The following MAGI3 variants were observed in gnomAD, a reference collection of about 807,000 sequenced individuals.
MAGI3 encodes the protein membrane-associated guanylate kinase, WW and PDZ domain-containing protein 3.
Under a neutral mutation model 121.8 loss-of-function variants are expected in MAGI3, and 43 were observed. The ratio of observed to expected loss-of-function variants is 0.35; its 90% CI spans 0.28 to 0.46. MAGI3 has a LOEUF of 0.46. Ranked by LOEUF, MAGI3 falls within the 20% of genes least tolerant of loss-of-function variation. The pLI, the probability that MAGI3 is intolerant of heterozygous loss-of-function variation, is 1.00. For synonymous variants in MAGI3, 553 were observed against 639.3 expected (o/e 0.86, Z 2.04); for missense variants, 1,547 against 1,797.3 (o/e 0.86, Z 2.52).
intron 1 of MAGI3, among the ~76,000 whole-genome samples, chr1:113,490,649 T>C (rs561739316): frequency 2.0e-5 from 3 of 152,200 alleles, no homozygotes; most frequent in Non-Finnish European, 4.4e-5. Flanking sequence ...CGGAGTGACA[T>C]ACATAGGCTC....
intron 1 of MAGI3, among the ~76,000 whole-genome samples, chr1:113,472,204 GT>G (rs752606893): frequency 1.5e-3 from 208 of 137,792 alleles, no homozygotes; most frequent in Admixed American, 3.2e-3. Context: ...GATAGATCTT[GT>G]TTTTTTTTTT....
chr1:113,555,883 T>TA (rs34358107), intron 2 of MAGI3, among the ~76,000 whole-genome samples: 73 of 151,382 alleles, frequency 4.8e-4, no homozygotes, highest in Admixed American at 2.8e-3. Context: ...CCCTGTCTCT[T>TA]AAAAAAAATA....
Position 113,644,367 on chromosome 1 carries a change from G to A in MAGI3, c.1998+593G>A, listed in dbSNP as rs377457668. On this transcript the variant is annotated intron_variant, in intron 11 of 20. Transcript: ENST00000307546. ...GCTATCTCGGCTCACTGCAACCTCC[G>A]CCTCCGGGGTTCAAGCGATTCTCCT... Among the ~76,000 whole-genome samples, 86 of 152,008 alleles carry A rather than the reference G, an allele frequency of 5.7e-4. No individual in the cohort carries two copies. The East Asian group carries it at 0.012, about 22-fold the overall frequency.
Position 113,683,369 on chromosome 1 carries a change from G to A in MAGI3, c.3801G>A (p.Gln1267=). Residue 1267 remains glutamine (Q), a synonymous_variant, in exon 21 of 21, where the codon CAG becomes CAA. Transcript: ENST00000307546. ...SPSKGENKSC[Q]VSTRAGSGQD... Reference sequence around the variant, plus strand: ...GCAAAGGGGAAAATAAAAGTTGTCAGGTCAGCACCAGGGCAGGCTCTGGAC... The same window carrying A: ...GCAAAGGGGAAAATAAAAGTTGTCAAGTCAGCACCAGGGCAGGCTCTGGAC... 1 of 1,614,002 alleles carries A rather than the reference G, an allele frequency of 6.2e-7. No homozygotes were observed. The highest frequency in any genetic ancestry group is 8.5e-7 in the Non-Finnish European group (1 of 1,179,898).
chr1:113,628,209 G>A (rs1394446233), intron 9 of MAGI3, among the ~76,000 whole-genome samples: 1 of 151,868 alleles, frequency 6.6e-6, no homozygotes, highest in Non-Finnish European at 1.5e-5. Context: ...AGTTTACCAG[G>A]ACGCTAGAAA....
intron 1 of MAGI3, among the ~76,000 whole-genome samples, chr1:113,468,018 A>G (rs1655370590): frequency 6.6e-6 from 1 of 152,130 alleles, no homozygotes; most frequent in Non-Finnish European, 1.5e-5. Flanking sequence ...AGTTTATTGT[A>G]TCTGATATAA....
intron 1 of MAGI3, among the ~76,000 whole-genome samples, chr1:113,473,900 G>A (rs977202431): frequency 1.4e-4 from 21 of 152,034 alleles, no homozygotes; most frequent in South Asian, 6.2e-4. Context: ...AAAAGCATTC[G>A]TATTTCTTCA....
intron 5 of MAGI3, 115 bp from the exon 6 acceptor site, chr1:113,594,366 C>G: frequency 1.4e-6 from 1 of 735,282 alleles, no homozygotes; most frequent in Non-Finnish European, 2.2e-6. Flanking sequence ...CAAATGGAGC[C>G]TGTTGGAGAT....
At chr1:113,486,439 A>G (rs1656383803) in intron 1 of MAGI3, among the ~76,000 whole-genome samples, 2 of 152,002 alleles carry the variant, frequency 1.3e-5, no homozygotes, top group African/African-American at 4.8e-5. Flanking sequence ...TTGGTTAGGT[A>G]TATTCCTAAG....
At chr1:113,645,957 T>C (rs1652808740) in intron 11 of MAGI3, among the ~76,000 whole-genome samples, 1 of 152,220 alleles carries the variant, frequency 6.6e-6, no homozygotes, top group Admixed American at 6.5e-5. Context: ...TCTCTTAATA[T>C]ATGTGAATTG....
intron 1 of MAGI3, among the ~76,000 whole-genome samples, chr1:113,516,390 CAAAAAA>C (rs60186333): frequency 5.5e-4 from 39 of 71,004 alleles, no homozygotes; most frequent in African/African-American, 1.5e-3. Flanking sequence ...GAAGTTCTCA[CAAAAAA>C]AAAAAAAAAA....
Position 113,391,141 on chromosome 1 carries a change from C to T in MAGI3, c.108C>T (p.Gly36=), listed in dbSNP as rs1354613398. ...PGDFGAEIRG[G]AERGEFPYLG... The stretch of plus-strand genomic sequence containing the variant: ...ACTTCGGCGCGGAGATCCGCGGTGG[C>T]GCGGAGCGTGGCGAGTTCCCCTACC... The change falls in exon 1 of 21, where the codon GGC becomes GGT. Residue 36 remains glycine (G), a synonymous_variant. Coordinates refer to ENST00000307546, the MANE Select transcript of MAGI3 (RefSeq NM_001142782.2). The surrounding 1 kb of genome is among the most constrained non-coding windows in gnomAD (Gnocchi z 4.4). The T allele has an allele frequency of 6.4e-7, 1 of 1,564,760 alleles. No homozygotes were observed. The highest frequency in any genetic ancestry group is 1.2e-5 in the South Asian group (1 of 85,348).
chr1:113,641,082 A>C lies in MAGI3; in HGVS notation c.1361-829A>C, dbSNP rs1652479581. ...ATATATGATATATATAATATATATG[A>C]GATATATATTATATATATGATATAT... On this transcript the variant is annotated intron_variant, in intron 9 of 20. Coordinates refer to ENST00000307546, the MANE Select transcript of MAGI3 (RefSeq NM_001142782.2). Among the ~76,000 whole-genome samples, 7 of 52,826 alleles carry C rather than the reference A, an allele frequency of 1.3e-4. No individual in the cohort carries two copies. In the East Asian group the frequency reaches 1.7e-3, roughly 13 times the overall value. 34.7% of individuals were successfully genotyped at this position (52,826 alleles called of 152,430 possible). A position where few individuals can be genotyped will look rare whatever the true frequency, so the allele number is the denominator to read the frequency against.
chr1:113,437,585 C>A (rs1653632384), intron 1 of MAGI3, among the ~76,000 whole-genome samples: 1 of 146,932 alleles, frequency 6.8e-6, no homozygotes, highest in Non-Finnish European at 1.5e-5. Context: ...AAATATTTCT[C>A]TACTATCTTT....
At chr1:113,463,686 G>A (rs1655142786) in intron 1 of MAGI3, among the ~76,000 whole-genome samples, 1 of 151,952 alleles carries the variant, frequency 6.6e-6, no homozygotes, top group South Asian at 2.1e-4. Flanking sequence ...GGGGAGAGAT[G>A]GTATTTGGTG....
chr1:113,509,183 A>G (rs898536956), intron 1 of MAGI3, among the ~76,000 whole-genome samples: 2 of 152,116 alleles, frequency 1.3e-5, no homozygotes, highest in Admixed American at 6.5e-5. Flanking sequence ...CCAAATAACA[A>G]CAAAATCGTT....
At chr1:113,641,047 A>C (rs1273603892) in intron 9 of MAGI3, among the ~76,000 whole-genome samples, 3 of 121,464 alleles carry the variant, frequency 2.5e-5, no homozygotes, top group Non-Finnish European at 4.9e-5. Context: ...TATAATATAT[A>C]TGATATATTA....
At chr1:113,640,909 T>TTA (rs55876850) in intron 9 of MAGI3, among the ~76,000 whole-genome samples, 88,151 of 121,304 alleles carry the variant, frequency 0.73, 32,387 homozygotes, top group African/African-American at 0.82. Flanking sequence ...ATATATATAT[T>TTA]TATATATGAT....
At chr1:113,590,392 T>C in intron 4 of MAGI3, 92 bp from the exon 5 acceptor site, 1 of 1,197,028 alleles carries the variant, frequency 8.4e-7, no homozygotes, top group Admixed American at 2.6e-5. Flanking sequence ...CATATTTATG[T>C]ATTTGGAATT....
Sources: allele counts gnomAD v4.1 joint callset (sites outside exome capture counted in the v4.1 genomes callset), GRCh38; gene constraint gnomAD v4.1.1; non-coding constraint Gnocchi (gnomAD v3.1); transcripts MANE v1.5; gene names NCBI Gene and HGNC (gene_info 2026-07-23, HGNC 2026-07-21).